PTN: variants seen among roughly 807,000 people sequenced by gnomAD.
PTN encodes the protein heparin affin regulatory protein.
A neutral mutation model predicts 24.1 loss-of-function variants in PTN; 18 were observed. That is an observed-to-expected ratio of 0.75 (90% CI 0.52 to 1.11). The LOEUF (loss-of-function observed/expected upper bound fraction) is 1.11, where lower values mean the gene tolerates loss of function less well. PTN is among the 50% of genes least tolerant of loss of function. PTN has a pLI of 0.00. For missense variants in PTN, 163 were observed against 198.8 expected (o/e 0.82, Z 1.08); for synonymous variants, 78 against 68.6 (o/e 1.14, Z -0.67).
chr7:137,309,655 A>T (rs1318755364), intron 1 of PTN, among the ~76,000 whole-genome samples: 4 of 152,160 alleles, frequency 2.6e-5, no homozygotes, highest in African/African-American at 9.7e-5. Context: ...CTCCACCAAG[A>T]GAAGCTTCCA....
At chr7:137,247,816 A>G (rs1168670312) in intron 4 of PTN, among the ~76,000 whole-genome samples, 1 of 152,204 alleles carries the variant, frequency 6.6e-6, no homozygotes, top group Non-Finnish European at 1.5e-5. Flanking sequence ...AAGAAAAAAG[A>G]CAACATTCAC....
At chr7:137,230,901 CTT>C (rs1324877974) in intron 4 of PTN, among the ~76,000 whole-genome samples, 2 of 151,820 alleles carry the variant, frequency 1.3e-5, no homozygotes, top group African/African-American at 4.8e-5. Flanking sequence ...CATCTTTTCT[CTT>C]TGTCTGTTTT....
chr7:137,315,115 G>T (rs1432224681), intron 1 of PTN, among the ~76,000 whole-genome samples: 1 of 152,130 alleles, frequency 6.6e-6, no homozygotes, highest in South Asian at 2.1e-4. Flanking sequence ...CTGTGTTCTC[G>T]GGCTTGACGG....
At chr7:137,342,519 G>A (rs955316193) in intron 1 of PTN, among the ~76,000 whole-genome samples, 5 of 80,022 alleles carry the variant, frequency 6.2e-5, no homozygotes, top group African/African-American at 1.7e-4. Flanking sequence ...AACTGCATGT[G>A]TGTGTTCCTG....
intron 1 of PTN, 148 bp from the exon 2 acceptor site, chr7:137,255,122 T>G: frequency 2.0e-6 from 1 of 506,978 alleles, no homozygotes; most frequent in Admixed American, 3.3e-5. Flanking sequence ...GGGTAGAATT[T>G]TATCTATTCT....
At chr7:137,293,002 T>A (rs2128877499) in intron 1 of PTN, among the ~76,000 whole-genome samples, 1 of 152,312 alleles carries the variant, frequency 6.6e-6, no homozygotes, top group Non-Finnish European at 1.5e-5. Context: ...AATTTTTAAT[T>A]TCTAATTACC....
At chr7:137,258,205 A>C (rs1432746978) in intron 1 of PTN, among the ~76,000 whole-genome samples, 1 of 152,232 alleles carries the variant, frequency 6.6e-6, no homozygotes, top group Non-Finnish European at 1.5e-5. Flanking sequence ...TCTACTAAAC[A>C]AGTCATTATA....
intron 4 of PTN, among the ~76,000 whole-genome samples, chr7:137,239,426 T>C (rs940825858): frequency 1.3e-5 from 2 of 150,758 alleles, no homozygotes; most frequent in Non-Finnish European, 2.9e-5. Flanking sequence ...ATACTTTAAG[T>C]TTTAGGGTAC....
In PTN at chr7:137,295,371, G is replaced by A. The variant is rs1167543149; in HGVS notation, c.-1-40397C>T. ...AAGCAGATACCATTGTAGCTCTGCC[G>A]AAATATCGAGGACTGGGATGTGAGC... On this transcript the variant is annotated intron_variant, in intron 1 of 4. Transcript: ENST00000348225. 5.9e-5 allele frequency among the ~76,000 whole-genome samples: 9 copies of A among 152,162 alleles called. 1 individual carries two copies. The highest frequency in any genetic ancestry group is 1.3e-4 in the Admixed American group (2 of 15,274).
intron 1 of PTN, among the ~76,000 whole-genome samples, chr7:137,288,014 C>T (rs1809583910): frequency 6.6e-6 from 1 of 152,204 alleles, no homozygotes; most frequent in Admixed American, 6.5e-5. Context: ...AAGAGGATAA[C>T]CTTGACTACA....
intron 1 of PTN, among the ~76,000 whole-genome samples, chr7:137,286,556 T>A (rs559177724): frequency 1.3e-5 from 2 of 152,210 alleles, no homozygotes; most frequent in Admixed American, 6.5e-5. Flanking sequence ...CATATAAAAG[T>A]AAAACAGGAG....
intron 4 of PTN, among the ~76,000 whole-genome samples, chr7:137,238,761 T>A (rs891587): frequency 6.6e-6 from 1 of 152,128 alleles, no homozygotes; most frequent in Non-Finnish European, 1.5e-5. Context: ...TTAGCTGCCA[T>A]GCAGCTTGAG....
intron 1 of PTN, among the ~76,000 whole-genome samples, chr7:137,336,500 T>C (rs1023417090): frequency 6.6e-6 from 1 of 152,078 alleles, no homozygotes; most frequent in African/African-American, 2.4e-5. Flanking sequence ...AGGGATAAGG[T>C]CAAAGAGTCT....
At chr7:137,264,635 C>T (rs1809105221) in intron 1 of PTN, among the ~76,000 whole-genome samples, 1 of 152,208 alleles carries the variant, frequency 6.6e-6, no homozygotes, top group Non-Finnish European at 1.5e-5. Context: ...TTATGTTCAA[C>T]TGGGCTCTCT....
At chr7:137,295,054 C>T (rs1422702872) in intron 1 of PTN, among the ~76,000 whole-genome samples, 1 of 152,098 alleles carries the variant, frequency 6.6e-6, no homozygotes, top group Non-Finnish European at 1.5e-5. Flanking sequence ...ACACAGTAGT[C>T]ACTAGCCACT....
chr7:137,307,344 C>T lies in PTN; in HGVS notation c.-2+36095G>A, dbSNP rs566338566. ...TATTCATATTGTACTAGTAAAGTTACCACTGAGTTTCCAATCCTGGTACCT... is the reference window on the plus strand; with the variant it reads ...TATTCATATTGTACTAGTAAAGTTATCACTGAGTTTCCAATCCTGGTACCT... On this transcript the variant is annotated intron_variant, in intron 1 of 4. Coordinates refer to ENST00000348225, the MANE Select transcript of PTN (RefSeq NM_002825.7). Among the ~76,000 whole-genome samples, 5 of 152,070 alleles carry T rather than the reference C, an allele frequency of 3.3e-5. No individual in the cohort carries two copies. The South Asian group carries it at 1.0e-3, about 32-fold the overall frequency.
chr7:137,288,953 T>C (rs1306733547), intron 1 of PTN, among the ~76,000 whole-genome samples: 1 of 152,134 alleles, frequency 6.6e-6, no homozygotes, highest in Non-Finnish European at 1.5e-5. Flanking sequence ...ACCTCCCTAC[T>C]GAAATAATGT....
rs560008570 is a variant in PTN, at chr7:137,288,706, G to A, written c.-1-33732C>T. Among the ~76,000 whole-genome samples, 3 of 152,184 alleles carry A rather than the reference G, an allele frequency of 2.0e-5. No individual in the cohort carries two copies. In the East Asian group the frequency reaches 5.8e-4, roughly 29 times the overall value. On this transcript the variant is annotated intron_variant, in intron 1 of 4. Coordinates refer to ENST00000348225, the MANE Select transcript of PTN (RefSeq NM_002825.7). Reference sequence around the variant, plus strand: ...AGATGGAAATAAACATTTATTTGGGGGGAAGAAACCTTTTATCTGAAGTTT... The same window carrying A: ...AGATGGAAATAAACATTTATTTGGGAGGAAGAAACCTTTTATCTGAAGTTT...
At chr7:137,264,042 C>A (rs1348571159) in intron 1 of PTN, among the ~76,000 whole-genome samples, 3 of 152,110 alleles carry the variant, frequency 2.0e-5, no homozygotes, top group Non-Finnish European at 4.4e-5. Flanking sequence ...TCTAGCTTTG[C>A]AATATTGTCC....
Sources: gnomAD v4.1 joint callset for allele counts (sites outside exome capture counted in the v4.1 genomes callset) on GRCh38, gnomAD v4.1.1 for gene constraint, MANE v1.5 for transcripts, NCBI Gene and HGNC (gene_info 2026-07-23, HGNC 2026-07-21) for gene names.